EYS: variants seen among roughly 807,000 people sequenced by gnomAD.
EYS encodes EGF-like photoreceptor maintenance factor.
EYS carries 250 observed loss-of-function variants against 282.1 expected under a neutral mutation model. The observed-to-expected ratio is 0.89, with a 90% CI of 0.80 to 0.98. The LOEUF is 0.98. EYS is among the 50% of genes least tolerant of loss of function. The probability of loss-of-function intolerance (pLI) is 0.00; values close to 1 mark genes in which losing one functional copy is unlikely to be tolerated. For synonymous variants in EYS, 1,355 were observed against 1,282.9 expected, an observed-to-expected ratio of 1.06 and a Z score of -1.20; for missense variants, 4,016 against 3,709.0, an observed-to-expected ratio of 1.08 and a Z score of -2.15.
chr6:64,345,578 G>T (rs1771353038), intron 29 of EYS, among the ~76,000 whole-genome samples: 1 of 151,876 alleles, frequency 6.6e-6, no homozygotes, highest in Non-Finnish European at 1.5e-5. Context: ...TTAAAGGTTA[G>T]ACCTAAAACC....
chr6:64,582,599 TGCTTGCTA>T (rs1562074486), intron 26 of EYS, among the ~76,000 whole-genome samples: 2 of 150,358 alleles, frequency 1.3e-5, no homozygotes, highest in African/African-American at 2.4e-5. Flanking sequence ...TTTTTTTTTT[TGCTTGCTA>T]TTTTTCCAAG....
At chr6:64,768,075 T>C (rs1432825645) in intron 22 of EYS, among the ~76,000 whole-genome samples, 1 of 152,148 alleles carries the variant, frequency 6.6e-6, no homozygotes, top group Non-Finnish European at 1.5e-5. Flanking sequence ...TGGAGCATTC[T>C]AATATTCCCA....
chr6:64,581,475 T>C (rs1196964165), intron 26 of EYS, among the ~76,000 whole-genome samples: 1 of 152,190 alleles, frequency 6.6e-6, no homozygotes, highest in Non-Finnish European at 1.5e-5. Flanking sequence ...AATCATTTTA[T>C]GGTATTTTAT....
chr6:64,784,837 T>C (rs1328495578), intron 22 of EYS, among the ~76,000 whole-genome samples: 2 of 152,166 alleles, frequency 1.3e-5, no homozygotes, highest in African/African-American at 2.4e-5. Context: ...TTTGTTCTGA[T>C]GTGTAAAGTG....
chr6:63,725,163 A>G (rs1768563775), intron 42 of EYS, among the ~76,000 whole-genome samples: 1 of 152,166 alleles, frequency 6.6e-6, no homozygotes, highest in African/African-American at 2.4e-5. Flanking sequence ...ATGCAGCATC[A>G]ATCGTGTGAA....
At chr6:64,481,743 A>C (rs2150499867) in intron 26 of EYS, among the ~76,000 whole-genome samples, 1 of 151,680 alleles carries the variant, frequency 6.6e-6, no homozygotes, top group Non-Finnish European at 1.5e-5. Flanking sequence ...CAAAATAAGA[A>C]CCCAGATCTA....
At chr6:65,512,569 C>G (rs565614686) in intron 2 of EYS, among the ~76,000 whole-genome samples, 1 of 146,620 alleles carries the variant, frequency 6.8e-6, no homozygotes, top group African/African-American at 2.5e-5. Context: ...TGTAAAAGAA[C>G]AGAAATTATA....
intron 1 of EYS, among the ~76,000 whole-genome samples, chr6:65,656,920 T>A (rs1338715864): frequency 6.6e-6 from 1 of 151,952 alleles, no homozygotes; most frequent in African/African-American, 2.4e-5. Context: ...GACTTTCTTG[T>A]TAGAGGCTAA....
chr6:64,619,059 T>C (rs1450603887), intron 23 of EYS, among the ~76,000 whole-genome samples: 1 of 152,188 alleles, frequency 6.6e-6, no homozygotes, highest in Admixed American at 6.5e-5. Flanking sequence ...GGAATGCTGA[T>C]ATAAAATTCA....
At position 65,247,665 on chromosome 6, in the gene EYS, T is replaced by C. The variant is rs148452833; in HGVS notation, c.2023+48198A>G. On this transcript the variant is annotated intron_variant, in intron 12 of 42. Coordinates refer to ENST00000503581, the MANE Select transcript of EYS (RefSeq NM_001142800.2). ...CATTCTAACCTAATTACCAGACACCTTGGCAAATTTGTAAACCACAGAAGA... is the reference window on the plus strand; with the variant it reads ...CATTCTAACCTAATTACCAGACACCCTGGCAAATTTGTAAACCACAGAAGA... Among the ~76,000 whole-genome samples the C allele has an allele frequency of 3.7e-3, 564 of 152,146 alleles. 3 individuals are homozygous for C. Among genetic ancestry groups the C allele is most frequent in the African/African-American group, 0.013 (524 of 41,548 alleles).
chr6:65,678,281 C>T (rs1768695798), intron 1 of EYS, among the ~76,000 whole-genome samples: 1 of 151,938 alleles, frequency 6.6e-6, no homozygotes, highest in Non-Finnish European at 1.5e-5. Flanking sequence ...GCCCTATCTC[C>T]AACACTGGGG....
chr6:64,006,639 C>CT (rs1295063522), intron 33 of EYS, among the ~76,000 whole-genome samples: 1 of 152,000 alleles, frequency 6.6e-6, no homozygotes, highest in Non-Finnish European at 1.5e-5. Flanking sequence ...ATCAATGGCT[C>CT]TTATTATTTT....
At chr6:64,254,394 T>G (rs2150349819) in intron 30 of EYS, among the ~76,000 whole-genome samples, 1 of 152,270 alleles carries the variant, frequency 6.6e-6, no homozygotes, top group East Asian at 1.9e-4. Context: ...AGCTTGCTCC[T>G]GCATGAAATA....
At chr6:65,341,320 T>A (rs1770193178) in intron 10 of EYS, among the ~76,000 whole-genome samples, 1 of 151,144 alleles carries the variant, frequency 6.6e-6, no homozygotes, top group Non-Finnish European at 1.5e-5. Flanking sequence ...CTGACATAAG[T>A]TTTCACGGGT....
chr6:65,267,358 G>A (rs1194222932), intron 12 of EYS, among the ~76,000 whole-genome samples: 4 of 151,774 alleles, frequency 2.6e-5, no homozygotes, highest in African/African-American at 9.7e-5. Flanking sequence ...AAAAGAAAGG[G>A]TACTGTGAGA....
At chr6:63,945,964 T>C (rs1765385308) in intron 35 of EYS, among the ~76,000 whole-genome samples, 1 of 152,230 alleles carries the variant, frequency 6.6e-6, no homozygotes, top group African/African-American at 2.4e-5. Flanking sequence ...AAAACCTGAA[T>C]GCTTTGACTT....
At chr6:65,487,337 A>G (rs1205258498) in intron 5 of EYS, among the ~76,000 whole-genome samples, 1 of 152,124 alleles carries the variant, frequency 6.6e-6, no homozygotes, top group Non-Finnish European at 1.5e-5. Context: ...TATTATGTTG[A>G]CATACATTCC....
chr6:65,665,636 A>G (rs1170599576), intron 1 of EYS, among the ~76,000 whole-genome samples: 5 of 152,106 alleles, frequency 3.3e-5, no homozygotes, highest in Admixed American at 2.6e-4. Context: ...ACATAGTTGT[A>G]AAAATGTGTG....
chr6:64,648,716 G>A (rs975353731), intron 22 of EYS, among the ~76,000 whole-genome samples: 7 of 152,114 alleles, frequency 4.6e-5, no homozygotes, highest in East Asian at 1.9e-4. Flanking sequence ...CTGATAAACC[G>A]TTCAGAAGGT....
Sources: allele counts gnomAD v4.1 joint callset (sites outside exome capture counted in the v4.1 genomes callset), GRCh38; gene constraint gnomAD v4.1.1; transcripts MANE v1.5; gene names NCBI Gene and HGNC (gene_info 2026-07-23, HGNC 2026-07-21).